The following NDST4 variants were observed in gnomAD, a reference collection of about 807,000 sequenced individuals.
NDST4 encodes N-heparan sulfate sulfotransferase 4.
In NDST4, 63 loss-of-function variants were observed where a neutral mutation model predicts 100.8. The observed-to-expected ratio is 0.62, with a 90% CI of 0.51 to 0.77. NDST4 has a LOEUF of 0.77. Ranked by LOEUF, NDST4 falls within the 30% of genes least tolerant of loss-of-function variation. The pLI is 0.00. For synonymous variants in NDST4, 377 were observed against 361.8 expected, an observed-to-expected ratio of 1.04 and a Z score of -0.48; for missense variants, 943 against 1,018.4, an observed-to-expected ratio of 0.93 and a Z score of 1.01.
chr4:114,885,234 T>C (rs1724453704), intron 6 of NDST4, among the ~76,000 whole-genome samples: 1 of 152,124 alleles, frequency 6.6e-6, no homozygotes, highest in African/African-American at 2.4e-5. Flanking sequence ...TACTAAAACA[T>C]CTCCATCCTT....
chr4:115,072,581 A>G (rs555635535), intron 2 of NDST4, among the ~76,000 whole-genome samples: 10 of 152,126 alleles, frequency 6.6e-5, no homozygotes, highest in Admixed American at 4.6e-4. Context: ...AGAACGGACA[A>G]TGGGGAAAGG....
intron 6 of NDST4, among the ~76,000 whole-genome samples, chr4:114,933,747 C>T (rs575242807): frequency 2.6e-5 from 4 of 151,844 alleles, no homozygotes; most frequent in East Asian, 3.9e-4. Context: ...AACAGGTATA[C>T]GAAAAAATCC....
At chr4:114,910,307 T>A (rs559659007) in intron 6 of NDST4, among the ~76,000 whole-genome samples, 62 of 152,288 alleles carry the variant, frequency 4.1e-4, no homozygotes, top group African/African-American at 1.4e-3. Context: ...CTCCTCAATT[T>A]CTCAGAATTA....
chr4:114,922,153 G>A (rs1369379685), intron 6 of NDST4, among the ~76,000 whole-genome samples: 2 of 152,180 alleles, frequency 1.3e-5, no homozygotes, highest in Non-Finnish European at 2.9e-5. Context: ...GCCAGGGAAA[G>A]GCAGTCTCCT....
chr4:114,882,020 T>C (rs1355266161), intron 6 of NDST4, among the ~76,000 whole-genome samples: 1 of 152,028 alleles, frequency 6.6e-6, no homozygotes, highest in Non-Finnish European at 1.5e-5. Flanking sequence ...AGTATTCTGA[T>C]AAGTGACAAC....
At chr4:114,876,689 A>G (rs924684655) in intron 6 of NDST4, among the ~76,000 whole-genome samples, 2 of 152,206 alleles carry the variant, frequency 1.3e-5, no homozygotes, top group Admixed American at 1.3e-4. Flanking sequence ...ATATAACTAT[A>G]TTAATCTTTT....
intron 3 of NDST4, among the ~76,000 whole-genome samples, chr4:114,974,955 G>A (rs1726596720): frequency 6.6e-6 from 1 of 152,138 alleles, no homozygotes; most frequent in South Asian, 2.1e-4. Context: ...CATTCTGGGA[G>A]AGAACAGAGA....
In NDST4 at chr4:114,833,620, G is replaced by A. The variant is rs755416116; in HGVS notation, c.2382C>T (p.Tyr794=). The A allele has an allele frequency of 8.7e-6, 14 of 1,607,796 alleles. No homozygotes were observed. Among genetic ancestry groups the A allele is most frequent in the Non-Finnish European group, 1.0e-5 (12 of 1,174,846 alleles). ...KFLGVTPRYN[Y]SEALTFDPQK... Reference sequence around the variant, plus strand: ...AATAGACTCACGTTAGTGCTTCAGAGTAATTATAACGAGGTGTAACTCCCA... The same window carrying A: ...AATAGACTCACGTTAGTGCTTCAGAATAATTATAACGAGGTGTAACTCCCA... The change falls in exon 12 of 14, where the codon TAC becomes TAT. Residue 794 remains tyrosine, a synonymous_variant. Transcript: ENST00000264363.
intron 3 of NDST4, among the ~76,000 whole-genome samples, chr4:114,976,238 C>T (rs1245025587): frequency 6.6e-6 from 1 of 151,982 alleles, no homozygotes; most frequent in Non-Finnish European, 1.5e-5. Flanking sequence ...TACATGGATA[C>T]AGAATAAATA....
intron 1 of NDST4, among the ~76,000 whole-genome samples, chr4:115,100,779 C>T (rs1462013468): frequency 6.7e-6 from 1 of 148,906 alleles, no homozygotes; most frequent in East Asian, 2.0e-4. Flanking sequence ...CATTACAATA[C>T]CTCGTTTCTG....
chr4:115,027,754 A>T, intron 2 of NDST4, among the ~76,000 whole-genome samples: 1 of 152,228 alleles, frequency 6.6e-6, no homozygotes, highest in East Asian at 1.9e-4. Context: ...TTTGGTAAGC[A>T]TGTTATAAGA....
At chr4:115,026,251 A>G (rs548643393) in intron 2 of NDST4, among the ~76,000 whole-genome samples, 2 of 152,244 alleles carry the variant, frequency 1.3e-5, no homozygotes, top group Non-Finnish European at 2.9e-5. Flanking sequence ...AATGTGTTAT[A>G]AGAAGGAATA....
rs114831409 is a variant in NDST4 at position 114,945,329 on chromosome 4, G to A, written c.1222-7826C>T. ...CTGGGCAGAAACTTGAAAAGTGGAT[G>A]AAGGTGTCAATATAAAGAGGGGTAA... is the stretch of plus-strand genomic sequence containing the variant. On this transcript the variant is annotated intron_variant, in intron 4 of 13. Transcript: ENST00000264363. 6.7e-3 allele frequency among the ~76,000 whole-genome samples: 1,019 copies of A among 151,620 alleles called. 15 individuals are homozygous for A. Among genetic ancestry groups the A allele is most frequent in the African/African-American group, 0.022 (926 of 41,396 alleles).
chr4:114,977,665 G>A (rs1279069576), intron 2 of NDST4, among the ~76,000 whole-genome samples: 2 of 151,922 alleles, frequency 1.3e-5, no homozygotes, highest in Non-Finnish European at 2.9e-5. Flanking sequence ...AGCAATAGGA[G>A]GAGAACTTTT....
At chr4:114,911,013 A>C (rs1335409147) in intron 6 of NDST4, among the ~76,000 whole-genome samples, 1 of 152,194 alleles carries the variant, frequency 6.6e-6, no homozygotes, top group Non-Finnish European at 1.5e-5. Flanking sequence ...CTTGCTGACT[A>C]CTGATTCTTC....
Position 114,929,156 on chromosome 4 carries a change from C to CTATCTATCTATG in NDST4, c.1536+6049_1536+6050insCATAGATAGATA, listed in dbSNP as rs1560817215. Among the ~76,000 whole-genome samples the CTATCTATCTATG allele has an allele frequency of 6.8e-5, 10 of 147,382 alleles. No individual in the cohort carries two copies. The Admixed American group carries it at 6.9e-4, about 10-fold the overall frequency. ...TCTATCTATCTATCTATCTATCTAT[C>CTATCTATCTATG]TATCTATGTATCTAAATCCTGCTGG... On this transcript the variant is annotated intron_variant, in intron 6 of 13. Transcript: ENST00000264363.
chr4:114,937,576 T>C (rs1725657535), intron 4 of NDST4, 73 bp from the exon 5 acceptor site: 2 of 1,249,436 alleles, frequency 1.6e-6, no homozygotes, highest in Admixed American at 2.5e-5. Context: ...TCCACCAACA[T>C]CTATTTAGAA....
chr4:114,977,288 G>T lies in NDST4; in HGVS notation c.979-14C>A. ...CTCTAGTAATGCCTGAAATAAATAA[G>T]AAATTAACATGATTTTAGAAAAATA... On this transcript the variant is annotated splice_polypyrimidine_tract_variant and intron_variant, in intron 2 of 13. Coordinates refer to ENST00000264363, the MANE Select transcript of NDST4 (RefSeq NM_022569.3). The T allele has an allele frequency of 6.5e-7, 1 of 1,547,812 alleles. No homozygotes were observed. Among genetic ancestry groups the T allele is most frequent in the Non-Finnish European group, 8.8e-7 (1 of 1,130,292 alleles).
At chr4:114,969,020 TAG>T (rs1412654341) in intron 4 of NDST4, among the ~76,000 whole-genome samples, 1 of 152,192 alleles carries the variant, frequency 6.6e-6, no homozygotes, top group Non-Finnish European at 1.5e-5. Flanking sequence ...GCCACTGGTC[TAG>T]AGTCATGGCT....
Sources: allele counts gnomAD v4.1 joint callset (sites outside exome capture counted in the v4.1 genomes callset), GRCh38; gene constraint gnomAD v4.1.1; transcripts MANE v1.5; gene names NCBI Gene and HGNC (gene_info 2026-07-23, HGNC 2026-07-21).